The following MLLT3 variants were observed in gnomAD, a reference collection of about 807,000 sequenced individuals.
MLLT3 encodes the protein protein AF-9.
A neutral mutation model predicts 53.2 loss-of-function variants in MLLT3; 4 were observed. The ratio of observed to expected loss-of-function variants is 0.08; its 90% confidence interval spans 0.04 to 0.17. The LOEUF (loss-of-function observed/expected upper bound fraction) is 0.17. Among genes scored for constraint, MLLT3 ranks in the 10% least tolerant of loss-of-function variants. MLLT3 has a pLI of 1.00. For missense variants in MLLT3, 569 were observed against 684.0 expected, an observed-to-expected ratio of 0.83 and a Z score of 1.87; for synonymous variants, 283 against 230.6, an observed-to-expected ratio of 1.23 and a Z score of -2.06.
chr9:20,553,961 G>C (rs1404793928), intron 2 of MLLT3, among the ~76,000 whole-genome samples: 2 of 151,886 alleles, frequency 1.3e-5, no homozygotes, highest in African/African-American at 4.8e-5. Context: ...CTCTGAGTCA[G>C]GTATTTCTCT....
intron 8 of MLLT3, among the ~76,000 whole-genome samples, chr9:20,355,145 T>C (rs1318202570): frequency 6.7e-6 from 1 of 150,106 alleles, no homozygotes; most frequent in Non-Finnish European, 1.5e-5. Flanking sequence ...AGGAAATTGA[T>C]CTAAGCTTCC....
At chr9:20,532,646 T>G (rs1433681046) in intron 2 of MLLT3, 2 of 260,816 alleles carry the variant, frequency 7.7e-6, no homozygotes, top group African/African-American at 4.5e-5. Context: ...AATCTCCTGT[T>G]TGAGAAAAGG....
intron 2 of MLLT3, among the ~76,000 whole-genome samples, chr9:20,540,909 A>G (rs1818613796): frequency 6.6e-6 from 1 of 152,212 alleles, no homozygotes; most frequent in Non-Finnish European, 1.5e-5. Flanking sequence ...CATAAGTTCG[A>G]ATTTCAGAAC....
At chr9:20,617,902 T>C (rs1820876474) in intron 2 of MLLT3, among the ~76,000 whole-genome samples, 1 of 152,228 alleles carries the variant, frequency 6.6e-6, no homozygotes, top group Non-Finnish European at 1.5e-5. Flanking sequence ...AAAAATACTA[T>C]AATTTTTTCT....
intron 2 of MLLT3, among the ~76,000 whole-genome samples, chr9:20,501,757 CAAAAAAAAA>C (rs936828819): frequency 2.2e-4 from 4 of 18,596 alleles, no homozygotes; most frequent in Admixed American, 6.2e-4. Context: ...GACTCCGTCT[CAAAAAAAAA>C]AAAAAAAAAA....
intron 4 of MLLT3, among the ~76,000 whole-genome samples, chr9:20,416,084 C>T (rs12003480): frequency 0.1 from 15,233 of 151,814 alleles, 1,646 homozygotes; most frequent in African/African-American, 0.26. Flanking sequence ...ATTCATATTA[C>T]TAAAATTTCA....
At chr9:20,462,485 C>T (rs574866579) in intron 2 of MLLT3, among the ~76,000 whole-genome samples, 9 of 152,182 alleles carry the variant, frequency 5.9e-5, no homozygotes, top group Admixed American at 1.3e-4. Context: ...GTCTAATTAA[C>T]GTTCATAAAG....
At chr9:20,434,052 C>T (rs1188538777) in intron 4 of MLLT3, among the ~76,000 whole-genome samples, 17 of 151,914 alleles carry the variant, frequency 1.1e-4, no homozygotes, top group South Asian at 1.0e-3. Context: ...ATCTGGGAAG[C>T]GGAGGTTGCA....
intron 5 of MLLT3, among the ~76,000 whole-genome samples, chr9:20,383,429 G>A (rs914916182): frequency 1.3e-5 from 2 of 151,756 alleles, no homozygotes; most frequent in African/African-American, 4.8e-5. Context: ...CATCAAACCT[G>A]GTTTGAATCT....
intron 2 of MLLT3, among the ~76,000 whole-genome samples, chr9:20,586,430 C>T (rs1163738066): frequency 6.7e-6 from 1 of 150,158 alleles, no homozygotes; most frequent in Non-Finnish European, 1.5e-5. Context: ...TGAAAATTGA[C>T]GTTTGCCCAA....
intron 4 of MLLT3, among the ~76,000 whole-genome samples, chr9:20,427,373 G>T (rs1302599139): frequency 6.7e-6 from 1 of 149,632 alleles, no homozygotes; most frequent in Non-Finnish European, 1.5e-5. Context: ...ACTGAACACA[G>T]CTGAAAAGAA....
chr9:20,589,925 G>A (rs1820084315), intron 2 of MLLT3, among the ~76,000 whole-genome samples: 1 of 152,046 alleles, frequency 6.6e-6, no homozygotes, highest in African/African-American at 2.4e-5. Flanking sequence ...TGGCCAGGCT[G>A]GCCTCGAACT....
At chr9:20,616,076 ACT>A (rs1820827561) in intron 2 of MLLT3, among the ~76,000 whole-genome samples, 1 of 152,006 alleles carries the variant, frequency 6.6e-6, no homozygotes, top group South Asian at 2.1e-4. Context: ...ACACAAAAAA[ACT>A]CTATGCGTTC....
At chr9:20,494,467 G>T (rs180825104) in intron 2 of MLLT3, among the ~76,000 whole-genome samples, 1 of 152,092 alleles carries the variant, frequency 6.6e-6, no homozygotes, top group African/African-American at 2.4e-5. Context: ...ATAATTCTTT[G>T]AAGTATTTGA....
intron 2 of MLLT3, among the ~76,000 whole-genome samples, chr9:20,591,158 T>C (rs1251703962): frequency 1.3e-5 from 2 of 152,204 alleles, no homozygotes; most frequent in African/African-American, 2.4e-5. Flanking sequence ...GGACCTATTT[T>C]TTGAATCTAG....
chr9:20,444,136 T>G (rs977966542), intron 4 of MLLT3, among the ~76,000 whole-genome samples: 5 of 152,198 alleles, frequency 3.3e-5, no homozygotes, highest in Non-Finnish European at 7.4e-5. Flanking sequence ...ATGTTTTCAG[T>G]ATGACTGAAT....
chr9:20,550,981 T>C (rs1818911691), intron 2 of MLLT3, among the ~76,000 whole-genome samples: 1 of 152,078 alleles, frequency 6.6e-6, no homozygotes, highest in Non-Finnish European at 1.5e-5. Flanking sequence ...ACCAGGCTAG[T>C]CTCAAACTCC....
chr9:20,405,014 A>G (rs1212482099), intron 5 of MLLT3, among the ~76,000 whole-genome samples: 1 of 152,126 alleles, frequency 6.6e-6, no homozygotes, highest in Non-Finnish European at 1.5e-5. Context: ...CCGGAGATGC[A>G]TGAGTGCAAC....
In MLLT3 at chr9:20,343,885, G is replaced by T. The variant is rs1427776065; in HGVS notation, c.*2558C>A. On this transcript the variant is annotated 3_prime_UTR_variant, in exon 11 of 11. Transcript: ENST00000380338. ...AACTGAAGGGGTTACTTTAAGAGAG[G>T]TATTAAAACTACTTGAAATTAATTC... The T allele has an allele frequency of 4.9e-6, 1 of 204,618 alleles. No homozygotes were observed. The highest frequency in any genetic ancestry group is 7.5e-5 in the East Asian group (1 of 13,304). 12.7% of individuals were successfully genotyped at this position (204,618 alleles called of 1,614,324 possible). A position where few individuals can be genotyped will look rare whatever the true frequency, so the allele number is the denominator to read the frequency against.
Sources: allele counts gnomAD v4.1 joint callset (sites outside exome capture counted in the v4.1 genomes callset), GRCh38; gene constraint gnomAD v4.1.1; transcripts MANE v1.5; gene names NCBI Gene and HGNC (gene_info 2026-07-23, HGNC 2026-07-21).